Variants in EPS15 observed in about 807,000 individuals in gnomAD.
EPS15 encodes the protein epidermal growth factor receptor substrate 15.
Under a neutral mutation model 113.8 loss-of-function variants are expected in EPS15, and 72 were observed. That is an observed-to-expected ratio of 0.63 (90% CI 0.52 to 0.77). The LOEUF (loss-of-function observed/expected upper bound fraction) is 0.77, where lower values mean the gene tolerates loss of function less well. EPS15 is among the 30% of genes least tolerant of loss of function. EPS15 has a pLI of 0.00. For missense variants in EPS15, 1,048 were observed against 1,045.8 expected (o/e 1.00, Z -0.03); for synonymous variants, 344 against 363.4 (o/e 0.95, Z 0.61).
At chr1:51,356,966 GTTAA>G (rs1231693781) in intron 24 of EPS15, 120 bp from the exon 25 acceptor site, 3 of 731,150 alleles carry the variant, frequency 4.1e-6, no homozygotes, top group Non-Finnish European at 6.4e-6. Context: ...CTGGTTACTT[GTTAA>G]TTCTTTTTTT....
At chr1:51,505,295 A>C (rs1439524020) in intron 1 of EPS15, among the ~76,000 whole-genome samples, 1 of 152,240 alleles carries the variant, frequency 6.6e-6, no homozygotes, top group Non-Finnish European at 1.5e-5. Flanking sequence ...TCCACCAATG[A>C]ACAAATGGAA....
intron 21 of EPS15, among the ~76,000 whole-genome samples, chr1:51,385,767 G>A (rs1647051229): frequency 2.0e-5 from 3 of 152,150 alleles, no homozygotes; most frequent in Admixed American, 2.0e-4. Context: ...GATGAACCTT[G>A]AGGACATTAT....
At chr1:51,517,454 C>T (rs1451112883) in intron 1 of EPS15, among the ~76,000 whole-genome samples, 2 of 152,120 alleles carry the variant, frequency 1.3e-5, no homozygotes, top group Non-Finnish European at 2.9e-5. Context: ...CATGGTATTA[C>T]CCAGGGAGAG....
intron 1 of EPS15, among the ~76,000 whole-genome samples, chr1:51,485,969 T>C (rs1644113860): frequency 6.6e-6 from 1 of 151,982 alleles, no homozygotes; most frequent in African/African-American, 2.4e-5. Flanking sequence ...AGCTAATTTT[T>C]GTATTTTTAG....
chr1:51,407,255 T>C (rs545797285), intron 15 of EPS15, among the ~76,000 whole-genome samples: 102 of 152,276 alleles, frequency 6.7e-4, no homozygotes, highest in African/African-American at 2.4e-3. Flanking sequence ...TGGAGTGCAG[T>C]GGTGTGATCT....
chr1:51,409,743 G>A (rs756194508), intron 13 of EPS15, 47 bp from the exon 14 acceptor site: 14 of 1,362,154 alleles, frequency 1.0e-5, no homozygotes, highest in Non-Finnish European at 1.4e-5. Flanking sequence ...GCGGGCAGGG[G>A]AGGGTTAAGT....
chr1:51,386,853 T>C lies in EPS15; in HGVS notation c.2119+7528A>G, dbSNP rs1010550864. ...CAAATCTACATCTGATTGGTGTACC[T>C]GAAAGTGACAGGGAGAATGGAACCA... is the stretch of plus-strand genomic sequence containing the variant. On this transcript the variant is annotated intron_variant, in intron 21 of 24. Transcript: ENST00000371733. 3.3e-5 allele frequency among the ~76,000 whole-genome samples: 5 copies of C among 152,138 alleles called. No individual in the cohort carries two copies. In the South Asian group the frequency reaches 8.3e-4, roughly 25 times the overall value.
intron 7 of EPS15, chr1:51,461,716 CA>C (rs1373861005): frequency 1.3e-5 from 2 of 151,928 alleles, no homozygotes; most frequent in African/African-American, 4.8e-5. Flanking sequence ...ACTGATCACA[CA>C]GGGGAGAAAT....
chr1:51,492,100 C>T (rs1168419375), intron 1 of EPS15, among the ~76,000 whole-genome samples: 1 of 151,982 alleles, frequency 6.6e-6, no homozygotes, highest in African/African-American at 2.4e-5. Flanking sequence ...CCACCTGCCT[C>T]GGCCTCCCAA....
intron 8 of EPS15, among the ~76,000 whole-genome samples, chr1:51,451,962 A>C (rs1418909384): frequency 6.6e-6 from 1 of 151,590 alleles, no homozygotes; most frequent in African/African-American, 2.4e-5. Context: ...GCTCACTACA[A>C]CCTCCGTCTC....
chr1:51,432,278 G>A (rs1472762442), intron 12 of EPS15, among the ~76,000 whole-genome samples: 3 of 151,766 alleles, frequency 2.0e-5, no homozygotes, highest in African/African-American at 7.3e-5. Flanking sequence ...CTCAGAACAG[G>A]TACAAAGAAG....
chr1:51,475,426 C>A (rs1655602546), intron 2 of EPS15, among the ~76,000 whole-genome samples: 1 of 152,144 alleles, frequency 6.6e-6, no homozygotes, highest in Admixed American at 6.5e-5. Flanking sequence ...TCTCTGATGA[C>A]CAGTGATGAC....
intron 1 of EPS15, among the ~76,000 whole-genome samples, chr1:51,482,499 T>G (rs1320349096): frequency 6.6e-6 from 1 of 151,966 alleles, no homozygotes; most frequent in Non-Finnish European, 1.5e-5. Flanking sequence ...AAAAATGAAG[T>G]CGCCCAGGCT....
At chr1:51,512,422 TAAGAG>T (rs1000074831) in intron 1 of EPS15, among the ~76,000 whole-genome samples, 3 of 152,210 alleles carry the variant, frequency 2.0e-5, no homozygotes, top group Admixed American at 1.3e-4. Context: ...GCAGAAGCTC[TAAGAG>T]AAAAGACTGA....
Position 51,445,051 on chromosome 1 carries a change from C to T in EPS15, c.798-6G>A. On this transcript the variant is annotated splice_region_variant and splice_polypyrimidine_tract_variant and intron_variant, in intron 10 of 24. Coordinates refer to ENST00000371733, the MANE Select transcript of EPS15 (RefSeq NM_001981.3). ...CCTTTGTGTCGCATAATGACCTGCACAAATAAACAAAATGAATGGTATGTA... is the reference window on the plus strand; with the variant it reads ...CCTTTGTGTCGCATAATGACCTGCATAAATAAACAAAATGAATGGTATGTA... 1 of 1,609,466 alleles carries T rather than the reference C, an allele frequency of 6.2e-7. No individual in the cohort carries two copies. Among genetic ancestry groups the T allele is most frequent in the South Asian group, 1.1e-5 (1 of 90,382 alleles).
In EPS15 at chr1:51,421,817, T is replaced by A; in HGVS notation, c.1082A>T (p.Asp361Val). 2.5e-6 allele frequency: 4 copies of A among 1,607,984 alleles called. No homozygotes were observed. Among genetic ancestry groups the A allele is most frequent in the Non-Finnish European group, 3.4e-6 (4 of 1,176,646 alleles). The stretch of plus-strand genomic sequence containing the variant: ...CTCACTTGTCCTCTGTTTAATAGTA[T>A]CTTCCTTCTCCTTAAGGTCCTGTTC... ...NVEQDLKEKE[D>V]TIKQRTSEVQ... The change falls in exon 13 of 25, where the codon GAT (aspartate) becomes GTT (valine). Residue 361 changes from aspartate (D) to valine (V), a missense_variant. By Grantham distance (152) the Asp-to-Val change is radical. Coordinates refer to ENST00000371733, the MANE Select transcript of EPS15 (RefSeq NM_001981.3).
At chr1:51,415,905 A>G (rs947002000) in intron 13 of EPS15, among the ~76,000 whole-genome samples, 1 of 152,014 alleles carries the variant, frequency 6.6e-6, no homozygotes, top group Admixed American at 6.6e-5. Context: ...ACTGCACAAA[A>G]TCAAAATGAA....
intron 13 of EPS15, among the ~76,000 whole-genome samples, chr1:51,412,871 A>G (rs1303858866): frequency 1.3e-5 from 2 of 152,188 alleles, no homozygotes; most frequent in African/African-American, 4.8e-5. Flanking sequence ...TTGACATACA[A>G]CTGGGTTTTC....
intron 14 of EPS15, 135 bp from the exon 15 acceptor site, chr1:51,408,467 AT>A (rs1274359352): frequency 1.5e-6 from 1 of 649,094 alleles, no homozygotes; most frequent in Admixed American, 2.9e-5. Context: ...CAAATAATTT[AT>A]TTAATTTAAT....
Sources: gnomAD v4.1 joint callset for allele counts (sites outside exome capture counted in the v4.1 genomes callset) on GRCh38, gnomAD v4.1.1 for gene constraint, MANE v1.5 for transcripts, NCBI Gene and HGNC (gene_info 2026-07-23, HGNC 2026-07-21) for gene names.